The following RELL1 variants were observed in gnomAD, a reference collection of about 807,000 sequenced individuals.
RELL1 encodes RELT-like protein 1.
A neutral mutation model predicts 23.0 loss-of-function variants in RELL1; 10 were observed. The observed-to-expected ratio is 0.43, with a 90% CI of 0.27 to 0.74. RELL1 has a LOEUF of 0.74. Ranked by LOEUF, RELL1 falls within the 30% of genes least tolerant of loss-of-function variation. The pLI is 0.19. For synonymous variants in RELL1, 146 were observed against 146.8 expected, an observed-to-expected ratio of 0.99 and a Z score of 0.04; for missense variants, 315 against 364.4, an observed-to-expected ratio of 0.86 and a Z score of 1.10.
rs535409733 is a variant in RELL1 at position 37,592,011 on chromosome 4, A to G, written c.*4-794T>C. 6.6e-5 allele frequency among the ~76,000 whole-genome samples: 10 copies of G among 152,184 alleles called. 1 individual carries two copies. In the South Asian group the frequency reaches 1.9e-3, roughly 28 times the overall value. ...ATCACAAGGTCAGGAGTTCAAGATC[A>G]GCCTGGCCAACATAGTGAAACCCTG... On this transcript the variant is annotated intron_variant, in intron 6 of 6. Transcript: ENST00000314117.
At chr4:37,590,380 C>T (rs1718538619), downstream of RELL1, 1 of 1,613,766 alleles carries the variant, frequency 6.2e-7, no homozygotes, top group Non-Finnish European at 8.5e-7. Context: ...CACTCCACAG[C>T]CCACTGGGAA....
At chr4:37,618,445 C>T (rs1477062399) in intron 6 of RELL1, among the ~76,000 whole-genome samples, 1 of 151,838 alleles carries the variant, frequency 6.6e-6, no homozygotes, top group Non-Finnish European at 1.5e-5. Context: ...ACTATGTTGC[C>T]CAGGCTGATC....
At chr4:37,625,835 T>C (rs756423448) in intron 6 of RELL1, among the ~76,000 whole-genome samples, 3 of 152,174 alleles carry the variant, frequency 2.0e-5, no homozygotes, top group African/African-American at 4.8e-5. Flanking sequence ...TTCCATAATG[T>C]ATGCATGTTT....
chr4:37,656,846 A>G (rs1220455096), intron 1 of RELL1, among the ~76,000 whole-genome samples: 2 of 152,220 alleles, frequency 1.3e-5, no homozygotes, highest in Non-Finnish European at 2.9e-5. Flanking sequence ...AGAGGCCCTT[A>G]CCAGATATGG....
intron 6 of RELL1, among the ~76,000 whole-genome samples, chr4:37,625,635 A>T (rs1193207150): frequency 2.0e-5 from 3 of 152,214 alleles, no homozygotes; most frequent in Non-Finnish European, 4.4e-5. Flanking sequence ...AAATTTGAGC[A>T]AAAACCTCTT....
chr4:37,638,524 T>G lies in RELL1; in HGVS notation c.386-20A>C. 1 of 1,567,764 alleles carries G rather than the reference T, an allele frequency of 6.4e-7. No individual in the cohort carries two copies. The highest frequency in any genetic ancestry group is 1.1e-5 in the South Asian group (1 of 88,340). Reference sequence around the variant, plus strand: ...CATTCGCTAAGGAATAAAAATAAAATTAAAGAATTAAAATAGAATGAATAA... The same window carrying G: ...CATTCGCTAAGGAATAAAAATAAAAGTAAAGAATTAAAATAGAATGAATAA... On this transcript the variant is annotated intron_variant, in intron 3 of 6. Coordinates refer to ENST00000454158, the MANE Select transcript of RELL1 (RefSeq NM_001085400.2).
intron 1 of RELL1, among the ~76,000 whole-genome samples, chr4:37,667,478 A>G (rs1721577041): frequency 6.8e-6 from 1 of 147,198 alleles, no homozygotes; most frequent in East Asian, 2.0e-4. Flanking sequence ...ACTCTGCTCC[A>G]TTACTGCTGA....
chr4:37,605,793 G>GAGAAAGAAACAA (rs1719180861), downstream of RELL1, among the ~76,000 whole-genome samples: 1 of 90,304 alleles, frequency 1.1e-5, no homozygotes, highest in South Asian at 3.9e-4. Flanking sequence ...GAGAAAGAAA[G>GAGAAAGAAACAA]AGAAAGAAAG....
rs550253755 is a variant in RELL1 at position 37,684,904 on chromosome 4, G to C, written c.88+1296C>G. ...AGAGCTGGAGGTTGCAGTGAGCCGA[G>C]GTTGTGCCACTGCACTCCAGTCTGG... On this transcript the variant is annotated intron_variant, in intron 1 of 6. Transcript: ENST00000454158. 4.6e-5 allele frequency among the ~76,000 whole-genome samples: 7 copies of C among 152,272 alleles called. No homozygotes were observed. In the South Asian group the frequency reaches 1.5e-3, roughly 32 times the overall value.
intron 3 of RELL1, among the ~76,000 whole-genome samples, chr4:37,642,760 AC>A (rs1720572156): frequency 6.6e-6 from 1 of 152,194 alleles, no homozygotes; most frequent in African/African-American, 2.4e-5. Context: ...CTACCCAGGG[AC>A]CTCAGGAAAG....
chr4:37,599,393 T>C (rs1718960214), intron 6 of RELL1, among the ~76,000 whole-genome samples: 1 of 152,134 alleles, frequency 6.6e-6, no homozygotes, highest in African/African-American at 2.4e-5. Flanking sequence ...AGTTGATTGG[T>C]CGAAGAGTAC....
intron 6 of RELL1, among the ~76,000 whole-genome samples, chr4:37,618,547 A>G (rs78811656): frequency 0.027 from 4,089 of 152,194 alleles, 218 homozygotes; most frequent in East Asian, 0.14. Flanking sequence ...ATCTACTTCA[A>G]TCTTTGGCAT....
chr4:37,657,480 G>T lies in RELL1; in HGVS notation c.89-7980C>A, dbSNP rs144477647. On this transcript the variant is annotated intron_variant, in intron 1 of 6. Coordinates refer to ENST00000454158, the MANE Select transcript of RELL1 (RefSeq NM_001085400.2). Reference sequence around the variant, plus strand: ...TATATGTAGAAGGGAAGGAGCAAAAGGGAGAGACAGAGCGGGAGTATGAAG... The same window carrying T: ...TATATGTAGAAGGGAAGGAGCAAAATGGAGAGACAGAGCGGGAGTATGAAG... Among the ~76,000 whole-genome samples, 299 of 152,342 alleles carry T rather than the reference G, an allele frequency of 2.0e-3. 2 individuals carry two copies. The highest frequency in any genetic ancestry group is 6.7e-3 in the African/African-American group (277 of 41,572).
At chr4:37,681,773 C>T (rs982342468) in intron 1 of RELL1, among the ~76,000 whole-genome samples, 9 of 152,084 alleles carry the variant, frequency 5.9e-5, no homozygotes, top group African/African-American at 2.2e-4. Flanking sequence ...GTGATCTGCC[C>T]GCCTTGGCCT....
intron 1 of RELL1, among the ~76,000 whole-genome samples, chr4:37,672,497 A>G (rs1721866203): frequency 6.6e-6 from 1 of 152,210 alleles, no homozygotes; most frequent in African/African-American, 2.4e-5. Flanking sequence ...TGCAGCACTG[A>G]ACCAGTGTAG....
rs1051853748 is a variant in RELL1 at position 37,668,591 on chromosome 4, C to T, written c.88+17609G>A. On this transcript the variant is annotated intron_variant, in intron 1 of 6. Transcript: ENST00000454158. ...CAACATCCACCTCCCAGCAGCCTGC[C>T]TTGGCCTCCCAAAGTGGCGAGATTG... Among the ~76,000 whole-genome samples the T allele has an allele frequency of 1.4e-3, 213 of 152,252 alleles. 2 individuals carry two copies. The highest frequency in any genetic ancestry group is 1.6e-3 in the Non-Finnish European group (110 of 68,018).
At chr4:37,590,430 T>C, downstream of RELL1, 1 of 1,611,400 alleles carries the variant, frequency 6.2e-7, no homozygotes, top group Non-Finnish European at 8.5e-7. Flanking sequence ...CCTGGGCCAG[T>C]ACTGCAAATA....
At chr4:37,616,379 G>A (rs1008311572) in intron 6 of RELL1, among the ~76,000 whole-genome samples, 6 of 152,146 alleles carry the variant, frequency 3.9e-5, no homozygotes, top group African/African-American at 7.2e-5. Context: ...CAGTCACCCC[G>A]GACACACCCA....
Position 37,686,193 on chromosome 4 carries a change from C to G in RELL1, c.88+7G>C. 1 of 1,576,166 alleles carries G rather than the reference C, an allele frequency of 6.3e-7. No homozygotes were observed. The highest frequency in any genetic ancestry group is 8.6e-7 in the Non-Finnish European group (1 of 1,169,316). ...ACCCGGCGCCCCGGCTACGACCGGA[C>G]ACTCACCCGGAGCCACCAGCGGCGA... On this transcript the variant is annotated splice_region_variant and intron_variant, in intron 1 of 6. Coordinates refer to ENST00000454158, the MANE Select transcript of RELL1 (RefSeq NM_001085400.2).
Sources: gnomAD v4.1 joint callset for allele counts (sites outside exome capture counted in the v4.1 genomes callset) on GRCh38, gnomAD v4.1.1 for gene constraint, MANE v1.5 for transcripts, NCBI Gene and HGNC (gene_info 2026-07-23, HGNC 2026-07-21) for gene names.